Variants in AKAP14 observed in about 807,000 individuals in gnomAD.
AKAP14 encodes A-kinase anchor protein 14.
In AKAP14, 4 loss-of-function variants were observed where a neutral mutation model predicts 17.0. That is an observed-to-expected ratio of 0.23 (90% CI 0.12 to 0.54). AKAP14 has a LOEUF of 0.54. Ranked by LOEUF, AKAP14 falls within the 20% of genes least tolerant of loss-of-function variation. The pLI, the probability that AKAP14 is intolerant of heterozygous loss-of-function variation, is 0.95. For synonymous variants in AKAP14, 42 were observed against 51.3 expected (o/e 0.82, Z 0.77); for missense variants, 129 against 150.9 (o/e 0.85, Z 0.76).
At chrX:119,900,821 G>A (rs997577181) in intron 2 of AKAP14, among the ~76,000 whole-genome samples, 1 of 112,342 alleles carries the variant, frequency 8.9e-6, no homozygotes, top group Non-Finnish European at 1.9e-5. Context: ...ACAGGCCTGA[G>A]CCACTGCACC....
intron 5 of AKAP14, among the ~76,000 whole-genome samples, chrX:119,916,653 C>CTT (rs34475201): frequency 2.0e-4 from 13 of 66,441 alleles, no homozygotes; most frequent in African/African-American, 5.1e-4. Flanking sequence ...CCACGCCTGG[C>CTT]TTTTTTTTTT....
At chrX:119,897,977 A>G (rs1464740920) in intron 2 of AKAP14, among the ~76,000 whole-genome samples, 1 of 112,132 alleles carries the variant, frequency 8.9e-6, no homozygotes, top group East Asian at 2.8e-4. Context: ...TATTAAAAAT[A>G]CAAAAATTAG....
At chrX:119,909,447 G>A (rs780026126) in intron 4 of AKAP14, among the ~76,000 whole-genome samples, 71 of 108,807 alleles carry the variant, frequency 6.5e-4, no homozygotes, top group Non-Finnish European at 1.2e-3. Flanking sequence ...AGAATCACTT[G>A]AACTCGGGAG....
Position 119,911,428 on chromosome X carries a change from C to T in AKAP14, c.262-3271C>T, listed in dbSNP as rs1355080254. 6.4e-5 allele frequency among the ~76,000 whole-genome samples: 7 copies of T among 109,948 alleles called. No homozygotes were observed. The East Asian group carries it at 1.4e-3, about 22-fold the overall frequency. The stretch of plus-strand genomic sequence containing the variant: ...GACAGTTCCTTATGGCTGTACTATG[C>T]GGGGATGTCTCAAGTGCCATAAGAC... On this transcript the variant is annotated intron_variant, in intron 4 of 6. Coordinates refer to ENST00000371431, the MANE Select transcript of AKAP14 (RefSeq NM_178813.6).
At chrX:119,911,838 A>C (rs1255738771) in intron 4 of AKAP14, among the ~76,000 whole-genome samples, 2 of 109,923 alleles carry the variant, frequency 1.8e-5, no homozygotes, top group African/African-American at 6.6e-5. Context: ...TGCTGGGATT[A>C]CACCACGCCT....
chrX:119,898,412 T>A (rs1480887036), intron 2 of AKAP14, among the ~76,000 whole-genome samples: 1 of 112,557 alleles, frequency 8.9e-6, no homozygotes, highest in Non-Finnish European at 1.9e-5. Flanking sequence ...CAGTGGTTCT[T>A]GAACTGATGG....
intron 5 of AKAP14, among the ~76,000 whole-genome samples, chrX:119,918,487 C>T (rs1300378685): frequency 8.9e-6 from 1 of 112,201 alleles, no homozygotes; most frequent in East Asian, 2.8e-4. Flanking sequence ...CTGCCTCGGC[C>T]TCCCAAAGTG....
Position 119,903,334 on chromosome X carries a change from T to C in AKAP14, c.111T>C (p.Thr37=), listed in dbSNP as rs138665493. 7.2e-4 allele frequency: 868 copies of C among 1,210,602 alleles called. No homozygotes were observed. The highest frequency in any genetic ancestry group is 2.3e-3 in the Admixed American group (106 of 45,723). Residue 37 remains threonine, a synonymous_variant, in exon 3 of 7, where the codon ACT becomes ACC. Coordinates refer to ENST00000371431, the MANE Select transcript of AKAP14 (RefSeq NM_178813.6). The part of the protein sequence containing the change: ...TQDKNYEDEL[T]QVALALVEDV... ...ACAAGAACTACGAGGATGAATTGAC[T>C]CAAGTAGCTCTAGCTCTGGTTGAGG...
At chrX:119,908,368 G>A (rs2056610189) in intron 4 of AKAP14, among the ~76,000 whole-genome samples, 3 of 109,695 alleles carry the variant, frequency 2.7e-5, no homozygotes, top group African/African-American at 9.9e-5. Flanking sequence ...TGGCAAAGTT[G>A]GTTCATTCTC....
chrX:119,902,681 TG>T (rs2056573413), intron 2 of AKAP14, among the ~76,000 whole-genome samples: 1 of 111,404 alleles, frequency 9.0e-6, no homozygotes, highest in African/African-American at 3.3e-5. Context: ...GTCATTATGG[TG>T]TTTTTTTTGT....
At chrX:119,900,852 A>G (rs1320266813) in intron 2 of AKAP14, among the ~76,000 whole-genome samples, 1 of 112,313 alleles carries the variant, frequency 8.9e-6, no homozygotes, top group African/African-American at 3.2e-5. Context: ...TAAGGAATTT[A>G]AAGCTGTGCT....
chrX:119,910,750 C>T (rs1010912899), intron 4 of AKAP14, among the ~76,000 whole-genome samples: 1 of 110,572 alleles, frequency 9.0e-6, no homozygotes, highest in Non-Finnish European at 1.9e-5. Context: ...ACAATCTCCG[C>T]CTCCCGGGTT....
At chrX:119,899,176 A>AAAAAAC (rs1179783097) in intron 2 of AKAP14, among the ~76,000 whole-genome samples, 1 of 108,030 alleles carries the variant, frequency 9.3e-6, no homozygotes, top group Non-Finnish European at 1.9e-5. Flanking sequence ...CAAAAAAAAA[A>AAAAAAC]AAAAAAAAAG....
chrX:119,907,096 A>G (rs1490189796), intron 4 of AKAP14, among the ~76,000 whole-genome samples: 1 of 110,777 alleles, frequency 9.0e-6, no homozygotes, highest in African/African-American at 3.3e-5. Flanking sequence ...CTGATTGAGC[A>G]GCAAAACAAA....
In AKAP14 at chrX:119,899,288, G is replaced by A. The variant is rs764479818; in HGVS notation, c.-11+3021G>A. ...CATGGGCTGTGAAGCCAGACACTGT[G>A]GGTGTACAGCTCAGTTTCCTCATTT... On this transcript the variant is annotated intron_variant, in intron 2 of 6. Transcript: ENST00000371431. Among the ~76,000 whole-genome samples, 5 of 111,395 alleles carry A rather than the reference G, an allele frequency of 4.5e-5. 1 individual carries two copies. The South Asian group carries it at 1.9e-3, about 42-fold the overall frequency.
chrX:119,898,349 A>C (rs1569468429), intron 2 of AKAP14, among the ~76,000 whole-genome samples: 2 of 111,951 alleles, frequency 1.8e-5, no homozygotes, highest in Non-Finnish European at 3.8e-5. Flanking sequence ...GGAAAACAAA[A>C]AGCTAAAATG....
At chrX:119,915,531 G>A (rs2056652071) in intron 5 of AKAP14, among the ~76,000 whole-genome samples, 1 of 110,941 alleles carries the variant, frequency 9.0e-6, no homozygotes, top group African/African-American at 3.3e-5. Context: ...TTGAGACAGA[G>A]TTTCACTCTT....
At chrX:119,904,469 C>T (rs889744166) in intron 4 of AKAP14, among the ~76,000 whole-genome samples, 2 of 112,422 alleles carry the variant, frequency 1.8e-5, no homozygotes, top group African/African-American at 6.4e-5. Flanking sequence ...TGGCTTGGGC[C>T]AGGCGCAGTG....
At chrX:119,918,500 G>A (rs1569470492) in intron 5 of AKAP14, among the ~76,000 whole-genome samples, 1 of 112,269 alleles carries the variant, frequency 8.9e-6, no homozygotes, top group African/African-American at 3.2e-5. Context: ...CCAAAGTGCT[G>A]GGATTACAGG....
Sources: gnomAD v4.1 joint callset for allele counts (sites outside exome capture counted in the v4.1 genomes callset) on GRCh38, gnomAD v4.1.1 for gene constraint, MANE v1.5 for transcripts, NCBI Gene and HGNC (gene_info 2026-07-23, HGNC 2026-07-21) for gene names.